Variants in MAML2 observed in about 807,000 individuals in gnomAD.
MAML2 encodes mastermind like transcriptional coactivator 2.
MAML2 carries 22 observed loss-of-function variants against 96.1 expected under a neutral mutation model. The ratio of observed to expected loss-of-function variants is 0.23; its 90% confidence interval spans 0.16 to 0.33. MAML2 has a LOEUF of 0.33. Among genes scored for constraint, MAML2 ranks in the 10% least tolerant of loss-of-function variants. MAML2 has a pLI of 1.00. For missense variants in MAML2, 1,367 were observed against 1,392.4 expected, an observed-to-expected ratio of 0.98 and a Z score of 0.29; for synonymous variants, 561 against 521.3, an observed-to-expected ratio of 1.08 and a Z score of -1.04.
chr11:96,296,768 A>T (rs1350055709), intron 1 of MAML2, among the ~76,000 whole-genome samples: 1 of 152,254 alleles, frequency 6.6e-6, no homozygotes, highest in Non-Finnish European at 1.5e-5. Context: ...ATTGTATTGC[A>T]TCTTAACAGG....
intron 1 of MAML2, among the ~76,000 whole-genome samples, chr11:96,322,541 T>A (rs956379276): frequency 4.0e-5 from 6 of 151,754 alleles, no homozygotes; most frequent in Non-Finnish European, 8.8e-5. Flanking sequence ...AAATACAAAA[T>A]ATTAGCCGGG....
At chr11:96,075,012 C>T (rs553475815) in intron 2 of MAML2, among the ~76,000 whole-genome samples, 18 of 152,264 alleles carry the variant, frequency 1.2e-4, no homozygotes, top group Non-Finnish European at 2.4e-4. Flanking sequence ...GAAACATAGC[C>T]GGAAACTTGA....
chr11:96,015,583 A>G (rs1212930626), intron 2 of MAML2, among the ~76,000 whole-genome samples: 97 of 89,714 alleles, frequency 1.1e-3, no homozygotes, highest in African/African-American at 3.5e-3. Context: ...AAAAAAAAAA[A>G]AGGGGGGGGG....
At chr11:96,285,981 C>T (rs1266143034) in intron 1 of MAML2, among the ~76,000 whole-genome samples, 1 of 152,038 alleles carries the variant, frequency 6.6e-6, no homozygotes, top group Non-Finnish European at 1.5e-5. Context: ...TGGGTATATA[C>T]CCAAAGGAAT....
intron 1 of MAML2, among the ~76,000 whole-genome samples, chr11:96,331,322 TCTTA>T (rs1422642344): frequency 2.0e-5 from 3 of 152,178 alleles, no homozygotes; most frequent in African/African-American, 7.2e-5. Context: ...TCCATGCTAC[TCTTA>T]CTACCAAAAT....
At chr11:96,162,627 CT>C (rs1861127934) in intron 1 of MAML2, among the ~76,000 whole-genome samples, 1 of 150,612 alleles carries the variant, frequency 6.6e-6, no homozygotes, top group South Asian at 2.1e-4. Context: ...AGGAGAATCG[CT>C]TGAACCCGAG....
intron 1 of MAML2, among the ~76,000 whole-genome samples, chr11:96,127,823 TC>T (rs1351235134): frequency 6.6e-6 from 1 of 152,214 alleles, no homozygotes; most frequent in East Asian, 1.9e-4. Context: ...GGTCAGCTGT[TC>T]CTGCTGACTT....
chr11:96,244,404 T>C (rs1388839882), intron 1 of MAML2, among the ~76,000 whole-genome samples: 3 of 152,250 alleles, frequency 2.0e-5, no homozygotes, highest in Non-Finnish European at 4.4e-5. Flanking sequence ...ACTTCTAATA[T>C]ATGGATAGAA....
At chr11:96,204,841 G>A (rs1441330116) in intron 1 of MAML2, among the ~76,000 whole-genome samples, 1 of 152,156 alleles carries the variant, frequency 6.6e-6, no homozygotes, top group Non-Finnish European at 1.5e-5. Context: ...AATTTTAGGT[G>A]CACCTAAATT....
At chr11:96,213,777 T>A (rs1361281028) in intron 1 of MAML2, among the ~76,000 whole-genome samples, 1 of 152,216 alleles carries the variant, frequency 6.6e-6, no homozygotes, top group Non-Finnish European at 1.5e-5. Flanking sequence ...TACAGATGCA[T>A]TGCCTTGTCT....
intron 1 of MAML2, among the ~76,000 whole-genome samples, chr11:96,201,355 A>G (rs957533421): frequency 2.6e-5 from 4 of 152,232 alleles, no homozygotes; most frequent in Non-Finnish European, 4.4e-5. Context: ...CTCCCCAATT[A>G]TAACAGCATT....
intron 1 of MAML2, among the ~76,000 whole-genome samples, chr11:96,295,937 AACACAC>A (rs56231526): frequency 0.027 from 3,747 of 137,832 alleles, 183 homozygotes; most frequent in Admixed American, 0.13. Flanking sequence ...CAGAACAGTA[AACACAC>A]ACACACACAC....
At chr11:96,341,057 T>C (rs887430849) in intron 1 of MAML2, among the ~76,000 whole-genome samples, 1 of 152,140 alleles carries the variant, frequency 6.6e-6, no homozygotes, top group Non-Finnish European at 1.5e-5. Flanking sequence ...ATCCATGAGA[T>C]AGAACCTTCC....
intron 2 of MAML2, among the ~76,000 whole-genome samples, chr11:96,003,214 G>A (rs1294476913): frequency 1.3e-5 from 2 of 152,064 alleles, no homozygotes; most frequent in Non-Finnish European, 2.9e-5. Flanking sequence ...TGGGGATGAT[G>A]AGGAAGATGA....
chr11:96,072,517 C>G (rs1859363131), intron 2 of MAML2, among the ~76,000 whole-genome samples: 1 of 152,164 alleles, frequency 6.6e-6, no homozygotes, highest in Non-Finnish European at 1.5e-5. Context: ...AAGATTCACA[C>G]CACCTCTGAT....
chr11:96,150,612 A>T (rs1860903862), intron 1 of MAML2, among the ~76,000 whole-genome samples: 1 of 152,168 alleles, frequency 6.6e-6, no homozygotes, highest in Non-Finnish European at 1.5e-5. Flanking sequence ...GACATGCTCA[A>T]AGCACCCACA....
At chr11:96,150,779 A>G (rs1860906236) in intron 1 of MAML2, among the ~76,000 whole-genome samples, 1 of 152,062 alleles carries the variant, frequency 6.6e-6, no homozygotes, top group Non-Finnish European at 1.5e-5. Flanking sequence ...TTACCCTTGT[A>G]GGGCCACCAT....
At chr11:96,074,022 A>G (rs924901564) in intron 2 of MAML2, among the ~76,000 whole-genome samples, 5 of 152,168 alleles carry the variant, frequency 3.3e-5, no homozygotes, top group African/African-American at 7.2e-5. Flanking sequence ...GTTCGTCTCA[A>G]TGCTTTCAGG....
In MAML2 at chr11:96,341,398, G is replaced by T. The variant is rs922966717; in HGVS notation, c.498C>A (p.Asn166Lys). Reference protein sequence around the residue: ...PPASTPGDQRNSALIALQGSL... With the variant: ...PPASTPGDQRKSALIALQGSL... Reference sequence around the variant, plus strand: ...AGGTGCTTACCGCAATCAGGGCTGAGTTCCTCTGGTCCCCTGGGGTTGAAG... The same window carrying T: ...AGGTGCTTACCGCAATCAGGGCTGATTTCCTCTGGTCCCCTGGGGTTGAAG... The change falls in exon 1 of 5, where the codon AAC becomes AAA. Residue 166 changes from asparagine to lysine, a missense_variant. Coordinates refer to ENST00000524717, the MANE Select transcript of MAML2 (RefSeq NM_032427.4). 3 of 1,532,064 alleles carry T rather than the reference G, an allele frequency of 2.0e-6. No homozygotes were observed. The highest frequency in any genetic ancestry group is 2.7e-5 in the African/African-American group (2 of 72,838). 94.9% of individuals were successfully genotyped at this position (1,532,064 alleles called of 1,614,324 possible).
Sources: gnomAD v4.1 joint callset for allele counts (sites outside exome capture counted in the v4.1 genomes callset) on GRCh38, gnomAD v4.1.1 for gene constraint, MANE v1.5 for transcripts, NCBI Gene and HGNC (gene_info 2026-07-23, HGNC 2026-07-21) for gene names.